The following GRIK5 variants were observed in gnomAD, a reference collection of about 807,000 sequenced individuals.
The protein encoded by GRIK5 is glutamate receptor ionotropic, kainate 5.
Under a neutral mutation model 97.4 loss-of-function variants are expected in GRIK5, and 43 were observed. That is an observed-to-expected ratio of 0.44 (90% CI 0.35 to 0.57). GRIK5 has a LOEUF of 0.57. Ranked by LOEUF, GRIK5 falls within the 20% of genes least tolerant of loss-of-function variation. GRIK5 has a pLI of 0.01. For missense variants in GRIK5, 1,015 were observed against 1,382.0 expected, an observed-to-expected ratio of 0.73 and a Z score of 4.21; for synonymous variants, 580 against 583.5, an observed-to-expected ratio of 0.99 and a Z score of 0.09.
At chr19:42,068,713 T>G in intron 1 of GRIK5, 1 of 490,098 alleles carries the variant, frequency 2.0e-6, no homozygotes, top group Non-Finnish European at 3.7e-6. Context: ...AACAGAGACA[T>G]GCCGAGAGCA....
intron 6 of GRIK5, among the ~76,000 whole-genome samples, chr19:42,057,342 A>C (rs997252085): frequency 1.3e-5 from 2 of 152,014 alleles, no homozygotes; most frequent in South Asian, 2.1e-4. Flanking sequence ...AGGCAAGAAG[A>C]AGCCTCAGAA....
intron 1 of GRIK5, among the ~76,000 whole-genome samples, chr19:42,067,299 C>G (rs776375445): frequency 1.1e-4 from 16 of 152,228 alleles, no homozygotes; most frequent in Non-Finnish European, 2.2e-4. Context: ...AAGTGGCCTG[C>G]AAAACCTAGG....
Position 42,065,084 on chromosome 19 carries a change from G to C in GRIK5, c.244+139C>G. 1 of 733,588 alleles carries C rather than the reference G, an allele frequency of 1.4e-6. No individual in the cohort carries two copies. The highest frequency in any genetic ancestry group is 2.2e-6 in the Non-Finnish European group (1 of 459,614). 45.4% of individuals were successfully genotyped at this position (733,588 alleles called of 1,614,324 possible). A position where few individuals can be genotyped will look rare whatever the true frequency, so the allele number is the denominator to read the frequency against. On this transcript the variant is annotated intron_variant, in intron 3 of 19. Transcript: ENST00000593562. The surrounding 1 kb of genome is among the most constrained non-coding windows in gnomAD (Gnocchi z 5.8). ...GCCCAGCAGCAGCCATGTCTGGGAA[G>C]AAGGCAGAGACAAACACAAAGAAGG...
rs904649866 is a variant in GRIK5, at chr19:42,043,885, G to A, written c.1270-1130C>T. Among the ~76,000 whole-genome samples the A allele has an allele frequency of 2.6e-5, 4 of 152,074 alleles. No individual in the cohort carries two copies. In the East Asian group the frequency reaches 5.8e-4, roughly 22 times the overall value. Reference sequence around the variant, plus strand: ...TGACTGTACCACTGCACTTCAGCCTGGGCAACTGAGCAACTCTGTCTCTAA... The same window carrying A: ...TGACTGTACCACTGCACTTCAGCCTAGGCAACTGAGCAACTCTGTCTCTAA... On this transcript the variant is annotated intron_variant, in intron 11 of 19. Coordinates refer to ENST00000593562, the MANE Select transcript of GRIK5 (RefSeq NM_002088.5).
chr19:42,005,397 G>A (rs2075476341), intron 17 of GRIK5, among the ~76,000 whole-genome samples: 2 of 152,114 alleles, frequency 1.3e-5, no homozygotes, highest in African/African-American at 2.4e-5. Flanking sequence ...CCAAGAAATA[G>A]GAAACAAGAC....
Position 42,052,371 on chromosome 19 carries a change from A to C in GRIK5, c.1269+1231T>G, listed in dbSNP as rs533936140. Reference sequence around the variant, plus strand: ...CAGCACAGAGGGTCTGACTGCTCCTAGCCAAGCCCCCAGGGCTCCCTGGGG... The same window carrying C: ...CAGCACAGAGGGTCTGACTGCTCCTCGCCAAGCCCCCAGGGCTCCCTGGGG... On this transcript the variant is annotated intron_variant, in intron 11 of 19. Coordinates refer to ENST00000593562, the MANE Select transcript of GRIK5 (RefSeq NM_002088.5). Among the ~76,000 whole-genome samples the C allele has an allele frequency of 2.6e-5, 4 of 152,170 alleles. No individual in the cohort carries two copies. In the East Asian group the frequency reaches 7.8e-4, roughly 30 times the overall value.
chr19:42,053,964 G>C (rs753595953), intron 9 of GRIK5, 35 bp from the exon 10 acceptor site: 2 of 1,445,740 alleles, frequency 1.4e-6, no homozygotes, highest in Non-Finnish European at 1.9e-6. Flanking sequence ...GAGGGAGAGT[G>C]CAGGGGCCCA....
chr19:41,999,021 G>A lies in GRIK5; in HGVS notation c.2793C>T (p.Arg931=), dbSNP rs1555870154. 3.2e-6 allele frequency: 4 copies of A among 1,234,172 alleles called. No individual in the cohort carries two copies. The South Asian group carries it at 8.1e-5, about 25-fold the overall frequency. The allele number at this position is 1,234,172 out of a possible 1,614,324, so 76.5% of individuals were successfully genotyped here. ...PAAPTPCTHV[R]VCQECRRIQA... is the part of the protein sequence containing the mutation. Reference sequence around the variant, plus strand: ...GGATGCGCCGGCACTCCTGGCAGACGCGCACGTGGGTGCAGGGGGTGGGGG... The same window carrying A: ...GGATGCGCCGGCACTCCTGGCAGACACGCACGTGGGTGCAGGGGGTGGGGG... Residue 931 remains arginine, a synonymous_variant, in exon 20 of 20, where the codon CGC becomes CGT. Coordinates refer to ENST00000593562, the MANE Select transcript of GRIK5 (RefSeq NM_002088.5). The surrounding 1 kb of genome is among the most constrained non-coding windows in gnomAD (Gnocchi z 5.0).
In GRIK5 at chr19:42,069,771, G is replaced by T. The variant is rs957638211; in HGVS notation, c.-581C>A. On this transcript the variant is annotated 5_prime_UTR_variant, in exon 1 of 20. Coordinates refer to ENST00000593562, the MANE Select transcript of GRIK5 (RefSeq NM_002088.5). ...GCCCCCTTTCCCCCTCCCCCCTGGA[G>T]CCTGGGCCCTGCCCTGGTTGAGGCA... 1.3e-5 allele frequency among the ~76,000 whole-genome samples: 2 copies of T among 152,008 alleles called. No homozygotes were observed. Among genetic ancestry groups the T allele is most frequent in the East Asian group, 3.9e-4 (2 of 5,116 alleles).
At position 42,062,399 on chromosome 19, in the gene GRIK5, G is replaced by A. The variant is rs999176911; in HGVS notation, c.508+89C>T. On this transcript the variant is annotated intron_variant, in intron 5 of 19. Transcript: ENST00000593562. The surrounding 1 kb of genome is among the most constrained non-coding windows in gnomAD (Gnocchi z 5.3). ...CCTGGGTGCCCCAGGGTTCTAACTA[G>A]GGGGCAGTGAACCACTGTGTGGGAC... 5.1e-6 allele frequency: 7 copies of A among 1,362,486 alleles called. No individual in the cohort carries two copies. Among genetic ancestry groups the A allele is most frequent in the Non-Finnish European group, 6.1e-6 (6 of 981,418 alleles). The allele number at this position is 1,362,486 out of a possible 1,614,324, so 84.4% of individuals were successfully genotyped here.
intron 12 of GRIK5, among the ~76,000 whole-genome samples, chr19:42,039,231 TG>T (rs2075947941): frequency 6.6e-6 from 1 of 152,166 alleles, no homozygotes; most frequent in African/African-American, 2.4e-5. Flanking sequence ...CCCAGCACTC[TG>T]GGAGGCTGAG....
chr19:42,038,827 G>T (rs2075941545), intron 12 of GRIK5, among the ~76,000 whole-genome samples: 1 of 152,224 alleles, frequency 6.6e-6, no homozygotes, highest in South Asian at 2.1e-4. Context: ...GATGACGGTG[G>T]TGACTATTCC....
intron 15 of GRIK5, among the ~76,000 whole-genome samples, chr19:42,017,845 G>A (rs1229030840): frequency 1.3e-5 from 2 of 152,154 alleles, no homozygotes; most frequent in African/African-American, 4.8e-5. Flanking sequence ...GGAGGACCTA[G>A]GGAAAAGTTG....
intron 1 of GRIK5, chr19:42,068,641 C>T: frequency 2.3e-6 from 1 of 427,494 alleles, no homozygotes; most frequent in Middle Eastern, 3.3e-4. Flanking sequence ...AAGAGACCTG[C>T]CGAGGGAGAC....
intron 12 of GRIK5, among the ~76,000 whole-genome samples, chr19:42,038,838 T>C (rs2075941793): frequency 6.6e-6 from 1 of 152,200 alleles, no homozygotes; most frequent in African/African-American, 2.4e-5. Context: ...TGACTATTCC[T>C]GTGCAGCTCG....
chr19:42,021,851 C>A lies in GRIK5; in HGVS notation c.1697+96G>T. On this transcript the variant is annotated intron_variant, in intron 14 of 19. Transcript: ENST00000593562. This position sits in a 1 kb window ranked among gnomAD's most constrained non-coding sequence, Gnocchi z 4.2. Reference sequence around the variant, plus strand: ...GAATCCGAGGCCCCAAAGGGGAGGCCAAGGACAGTTCCGAGAGAGAAGAGG... The same window carrying A: ...GAATCCGAGGCCCCAAAGGGGAGGCAAAGGACAGTTCCGAGAGAGAAGAGG... 1 of 763,826 alleles carries A rather than the reference C, an allele frequency of 1.3e-6. No homozygotes were observed. 47.3% of individuals were successfully genotyped at this position (763,826 alleles called of 1,614,324 possible).
intron 11 of GRIK5, among the ~76,000 whole-genome samples, chr19:42,053,038 C>T (rs898649299): frequency 2.6e-5 from 4 of 152,196 alleles, no homozygotes; most frequent in African/African-American, 9.7e-5. Flanking sequence ...ACAAAGGCCC[C>T]TCTGCCTCTG....
Position 42,002,461 on chromosome 19 carries a change from T to C in GRIK5, c.2514+871A>G, listed in dbSNP as rs1443649633. 5 of 717,510 alleles carry C rather than the reference T, an allele frequency of 7.0e-6. No individual in the cohort carries two copies. The Admixed American group carries it at 1.0e-4, about 14-fold the overall frequency. The allele number at this position is 717,510 out of a possible 1,614,324, so 44.4% of individuals were successfully genotyped here. A position where few individuals can be genotyped will look rare whatever the true frequency, so the allele number is the denominator to read the frequency against. On this transcript the variant is annotated intron_variant, in intron 19 of 19. Coordinates refer to ENST00000593562, the MANE Select transcript of GRIK5 (RefSeq NM_002088.5). This position sits in a 1 kb window ranked among gnomAD's most constrained non-coding sequence, Gnocchi z 5.2. ...AACCTGGACACGGGTGGAGGGCACC[T>C]TTACTAGCAGCATGGACGGCTCCTT...
intron 12 of GRIK5, among the ~76,000 whole-genome samples, chr19:42,023,078 C>G (rs1360800913): frequency 3.3e-5 from 5 of 151,926 alleles, no homozygotes; most frequent in Non-Finnish European, 5.9e-5. Flanking sequence ...AGAGGTGGCA[C>G]AGGCTGAAAA....
Sources: gnomAD v4.1 joint callset for allele counts (sites outside exome capture counted in the v4.1 genomes callset) on GRCh38, gnomAD v4.1.1 for gene constraint, Gnocchi (gnomAD v3.1) non-coding constraint, MANE v1.5 for transcripts, NCBI Gene and HGNC (gene_info 2026-07-23, HGNC 2026-07-21) for gene names.